The following OXNAD1 variants were observed in gnomAD, a reference collection of about 807,000 sequenced individuals.
The protein encoded by OXNAD1 is oxidoreductase NAD-binding domain-containing protein 1.
A neutral mutation model predicts 32.9 loss-of-function variants in OXNAD1; 34 were observed. That is an observed-to-expected ratio of 1.03 (90% confidence interval 0.79 to 1.38). OXNAD1 has a LOEUF of 1.38. Ranked by LOEUF, OXNAD1 falls within the 40% of genes most tolerant of loss-of-function variation. OXNAD1 has a pLI of 0.00. For missense variants in OXNAD1, 407 were observed against 379.4 expected (o/e 1.07, Z -0.60); for synonymous variants, 134 against 135.2 (o/e 0.99, Z 0.06).
rs1298672364 is a variant in OXNAD1, at chr3:16,327,615, G to A, written c.*31-9497G>A. ...TCTACTAAAAATACAAAAAAAATTA[G>A]CCAGGCCTGGTGGCGGGCGCCTGTA... is the stretch of plus-strand genomic sequence containing the variant. On this transcript the variant is annotated intron_variant, in intron 9 of 9. Coordinates refer to the OXNAD1 transcript ENST00000435829. This position sits in a 1 kb window ranked among gnomAD's most constrained non-coding sequence, Gnocchi z 4.2. 6.6e-6 allele frequency among the ~76,000 whole-genome samples: 1 copy of A among 152,078 alleles called. No individual in the cohort carries two copies.
chr3:16,350,719 G>C (rs554767235), downstream of OXNAD1, among the ~76,000 whole-genome samples: 5 of 152,296 alleles, frequency 3.3e-5, no homozygotes, highest in South Asian at 2.1e-4. Flanking sequence ...GGGTTTGGGT[G>C]TTGATTCCTG....
At chr3:16,337,545 C>A (rs192657609), downstream of OXNAD1, among the ~76,000 whole-genome samples, 497 of 151,916 alleles carry the variant, frequency 3.3e-3, 3 homozygotes, top group Non-Finnish European at 5.7e-3. The surrounding 1 kb of genome is among the most constrained non-coding windows in gnomAD (Gnocchi z 5.0). Context: ...AGATCGAGAC[C>A]ACCCTGGCCA....
At chr3:16,270,638 A>G (rs1195590217) in intron 2 of OXNAD1, among the ~76,000 whole-genome samples, 1 of 152,226 alleles carries the variant, frequency 6.6e-6, no homozygotes, top group African/African-American at 2.4e-5. Context: ...CCCCTCTTCT[A>G]TAATAGCATA....
At position 16,312,925 on chromosome 3, in the gene OXNAD1, CT is replaced by C. The variant is rs1406695445; in HGVS notation, c.*30+9336del. 6.6e-6 allele frequency among the ~76,000 whole-genome samples: 1 copy of C among 152,110 alleles called. No homozygotes were observed. Among genetic ancestry groups the C allele is most frequent in the Non-Finnish European group, 1.5e-5 (1 of 68,028 alleles). ...TAAACCATTGATAAATAATTTAAGA[CT>C]TTATAAATATTATTACAGTATTTCT... On this transcript the variant is annotated intron_variant, in intron 9 of 9. Transcript: ENST00000435829. This position sits in a 1 kb window ranked among gnomAD's most constrained non-coding sequence, Gnocchi z 4.7.
chr3:16,339,641 T>C (rs1246782054), downstream of OXNAD1: 2 of 152,224 alleles, frequency 1.3e-5, no homozygotes, highest in East Asian at 3.9e-4. Context: ...TCAGAGAGAC[T>C]GGCCAATCCT....
In OXNAD1 at chr3:16,321,099, AG is replaced by A. The variant is rs2068999153; in HGVS notation, c.*31-16010del. Reference sequence around the variant, plus strand: ...AGGGGAAGGAGAGGGGAGGGTCAGCAGGGATAGCCCCTAAGGTGCAATGCCA... The same window carrying A: ...AGGGGAAGGAGAGGGGAGGGTCAGCAGGATAGCCCCTAAGGTGCAATGCCA... On this transcript the variant is annotated intron_variant, in intron 9 of 9. Transcript: ENST00000435829. The surrounding 1 kb of genome is among the most constrained non-coding windows in gnomAD (Gnocchi z 4.8). 6.6e-6 allele frequency among the ~76,000 whole-genome samples: 1 copy of A among 152,134 alleles called. No individual in the cohort carries two copies. Among genetic ancestry groups the A allele is most frequent in the South Asian group, 2.1e-4 (1 of 4,830 alleles).
intron 4 of OXNAD1, among the ~76,000 whole-genome samples, chr3:16,285,027 C>T (rs2065977355): frequency 6.6e-6 from 1 of 152,076 alleles, no homozygotes; most frequent in African/African-American, 2.4e-5. Context: ...GGACTAGGAC[C>T]AAGAGTGCAG....
chr3:16,315,278 G>C (rs1026315990), intron 9 of OXNAD1, among the ~76,000 whole-genome samples: 3 of 152,124 alleles, frequency 2.0e-5, no homozygotes, highest in Admixed American at 1.3e-4. Flanking sequence ...ACCACGCCCA[G>C]CTAATTTTTG....
chr3:16,342,691 TCTAATTTGCCAAGC>T lies in OXNAD1; in HGVS notation c.*31-6473_*31-6460del, dbSNP rs1312899270. ...AGACTAGTTCTCAAGCCTTCTTAAG[TCTAATTTGCCAAGC>T]CTAATTTGCCACTTCACCCGAAAAG... On this transcript the variant is annotated intron_variant, in intron 9 of 9. Transcript: ENST00000606098. This position sits in a 1 kb window ranked among gnomAD's most constrained non-coding sequence, Gnocchi z 4.0. Among the ~76,000 whole-genome samples the T allele has an allele frequency of 6.6e-6, 1 of 152,216 alleles. No individual in the cohort carries two copies. The highest frequency in any genetic ancestry group is 1.5e-5 in the Non-Finnish European group (1 of 68,042).
At chr3:16,307,944 T>G (rs965294056), downstream of OXNAD1, among the ~76,000 whole-genome samples, 5 of 152,198 alleles carry the variant, frequency 3.3e-5, no homozygotes, top group Non-Finnish European at 7.3e-5. Flanking sequence ...AATAACAGCC[T>G]GATTGTATGA....
At chr3:16,324,858 T>C (rs1226518011) in intron 9 of OXNAD1, among the ~76,000 whole-genome samples, 5 of 152,126 alleles carry the variant, frequency 3.3e-5, no homozygotes, top group South Asian at 2.1e-4. Flanking sequence ...GTTTGCTGGA[T>C]CATGTGCTAA....
rs780516068 is a variant in OXNAD1 at position 16,286,370 on chromosome 3, C to T, written c.212C>T (p.Ala71Val). 6.2e-7 allele frequency: 1 copy of T among 1,613,878 alleles called. No homozygotes were observed. Among genetic ancestry groups the T allele is most frequent in the Admixed American group, 1.7e-5 (1 of 60,006 alleles). The part of the protein sequence containing the change: ...EIVSAAKVCG[A>V]ASESPSVKSL... ...GTGTCAGCAGCTAAGGTGTGTGGAG[C>T]TGCCAGTGAGTCACCGTCAGTGAAG... Residue 71 changes from alanine to valine, a missense_variant, in exon 5 of 9, where the codon GCT becomes GTT. Coordinates refer to ENST00000285083, the MANE Select transcript of OXNAD1 (RefSeq NM_138381.5).
At chr3:16,276,300 G>C (rs2065314026) in intron 4 of OXNAD1, 1 of 199,262 alleles carries the variant, frequency 5.0e-6, no homozygotes, top group Admixed American at 6.1e-5. Flanking sequence ...TTGGCTTTTA[G>C]GCATACTTTT....
rs79463850 is a variant in OXNAD1 at position 16,336,663 on chromosome 3, ATT to A, written c.*31-438_*31-437del. 2.0e-5 allele frequency among the ~76,000 whole-genome samples: 3 copies of A among 149,588 alleles called. No homozygotes were observed. Among genetic ancestry groups the A allele is most frequent in the East Asian group, 3.9e-4 (2 of 5,120 alleles). ...GCTTTCATAATGTTCAAAGAGAATA[ATT>A]TTTTTTTTTTAAAAAAGCTTAGTTC... On this transcript the variant is annotated intron_variant, in intron 9 of 9. Transcript: ENST00000435829. This position sits in a 1 kb window ranked among gnomAD's most constrained non-coding sequence, Gnocchi z 6.0.
At chr3:16,279,765 T>C (rs866417961) in intron 4 of OXNAD1, among the ~76,000 whole-genome samples, 53 of 152,206 alleles carry the variant, frequency 3.5e-4, no homozygotes, top group African/African-American at 1.3e-3. Flanking sequence ...TTTACCAAAG[T>C]GGATAGTGGG....
chr3:16,350,986 A>C (rs1210059175), downstream of OXNAD1, among the ~76,000 whole-genome samples: 2 of 152,134 alleles, frequency 1.3e-5, no homozygotes, highest in Non-Finnish European at 2.9e-5. Flanking sequence ...GATGGTTGGG[A>C]GCCTTTGAAA....
In OXNAD1 at chr3:16,345,534, C is replaced by A. The variant is rs1304198792; in HGVS notation, c.*31-3642C>A. 6.6e-6 allele frequency among the ~76,000 whole-genome samples: 1 copy of A among 152,054 alleles called. No homozygotes were observed. The highest frequency in any genetic ancestry group is 1.9e-4 in the East Asian group (1 of 5,196). On this transcript the variant is annotated intron_variant, in intron 9 of 9. Transcript: ENST00000606098. The surrounding 1 kb of genome is among the most constrained non-coding windows in gnomAD (Gnocchi z 5.2). ...GTGGACACCATCCAGTCATTGAGGACCTGAACAGAACAAAGGGTGGAGGAA... is the reference window on the plus strand; with the variant it reads ...GTGGACACCATCCAGTCATTGAGGAACTGAACAGAACAAAGGGTGGAGGAA...
intron 1 of OXNAD1, among the ~76,000 whole-genome samples, chr3:16,266,478 C>T (rs1011341005): frequency 6.6e-6 from 1 of 151,798 alleles, no homozygotes; most frequent in African/African-American, 2.4e-5. Flanking sequence ...GGTGGTGTGC[C>T]TGTAATCCCA....
rs1171820702 is a variant in OXNAD1, at chr3:16,284,908, A to G, written c.184-1434A>G. On this transcript the variant is annotated intron_variant, in intron 4 of 8. Coordinates refer to ENST00000285083, the MANE Select transcript of OXNAD1 (RefSeq NM_138381.5). The surrounding 1 kb of genome is among the most constrained non-coding windows in gnomAD (Gnocchi z 4.1). The stretch of plus-strand genomic sequence containing the variant: ...TGAATTGCTTTGAATTGCAAATGGC[A>G]TTAGATGTAATCTTTGATGAAACAG... Among the ~76,000 whole-genome samples the G allele has an allele frequency of 6.6e-6, 1 of 152,262 alleles. No individual in the cohort carries two copies. The highest frequency in any genetic ancestry group is 1.5e-5 in the Non-Finnish European group (1 of 68,042).
Sources: allele counts gnomAD v4.1 joint callset (sites outside exome capture counted in the v4.1 genomes callset), GRCh38; gene constraint gnomAD v4.1.1; non-coding constraint Gnocchi (gnomAD v3.1); transcripts MANE v1.5; gene names NCBI Gene and HGNC (gene_info 2026-07-23, HGNC 2026-07-21).